CSNK1G2: variants seen among roughly 807,000 people sequenced by gnomAD.
CSNK1G2 encodes the protein casein kinase I isoform gamma-2.
A neutral mutation model predicts 48.0 loss-of-function variants in CSNK1G2; 11 were observed. The ratio of observed to expected loss-of-function variants is 0.23; its 90% CI spans 0.14 to 0.38. The LOEUF is 0.38. Ranked by LOEUF, CSNK1G2 falls within the 10% of genes least tolerant of loss-of-function variation. The pLI is 1.00. For missense variants in CSNK1G2, 446 were observed against 595.5 expected, an observed-to-expected ratio of 0.75 and a Z score of 2.61; for synonymous variants, 337 against 254.1, an observed-to-expected ratio of 1.33 and a Z score of -3.10.
intron 1 of CSNK1G2, among the ~76,000 whole-genome samples, chr19:1,949,802 G>C (rs565799009): frequency 1.3e-5 from 2 of 152,190 alleles, no homozygotes; most frequent in Non-Finnish European, 2.9e-5. Context: ...CCTGTCCTTC[G>C]GCCCGATGCT....
At chr19:1,946,850 A>G (rs1401921682) in intron 1 of CSNK1G2, among the ~76,000 whole-genome samples, 7 of 151,464 alleles carry the variant, frequency 4.6e-5, no homozygotes, top group East Asian at 1.9e-4. Flanking sequence ...TGACCTTGTG[A>G]TCTGCCCGCC....
intron 2 of CSNK1G2, among the ~76,000 whole-genome samples, chr19:1,970,497 G>A (rs1021998850): frequency 2.0e-5 from 3 of 152,226 alleles, no homozygotes; most frequent in African/African-American, 7.2e-5. Flanking sequence ...CTCCCGGGTC[G>A]GGGTCTGATT....
intron 1 of CSNK1G2, among the ~76,000 whole-genome samples, chr19:1,961,478 C>T (rs372746089): frequency 2.6e-4 from 39 of 152,370 alleles, no homozygotes; most frequent in East Asian, 1.9e-3. Flanking sequence ...CATTGCTGTC[C>T]GTTTCTCCAG....
chr19:1,954,922 C>T (rs1175639190), intron 1 of CSNK1G2, among the ~76,000 whole-genome samples: 4 of 152,120 alleles, frequency 2.6e-5, no homozygotes, highest in African/African-American at 7.2e-5. Context: ...TTCGTCCCTC[C>T]CTGGGGTTGT....
At chr19:1,954,942 C>T (rs2014930573) in intron 1 of CSNK1G2, among the ~76,000 whole-genome samples, 1 of 152,156 alleles carries the variant, frequency 6.6e-6, no homozygotes, top group Non-Finnish European at 1.5e-5. Flanking sequence ...TTGCTTTTCG[C>T]TGTGGCCCTC....
At chr19:1,961,977 C>T (rs769424908) in intron 1 of CSNK1G2, among the ~76,000 whole-genome samples, 1 of 152,188 alleles carries the variant, frequency 6.6e-6, no homozygotes, top group Non-Finnish European at 1.5e-5. Flanking sequence ...TGACCCAGTG[C>T]AGTGGAGAAA....
At chr19:1,955,381 A>T (rs889707789) in intron 1 of CSNK1G2, among the ~76,000 whole-genome samples, 1 of 152,078 alleles carries the variant, frequency 6.6e-6, no homozygotes, top group African/African-American at 2.4e-5. Flanking sequence ...GATGTGGGCT[A>T]GCGGCCACCG....
intron 2 of CSNK1G2, chr19:1,975,867 C>T: frequency 2.5e-6 from 2 of 787,766 alleles, no homozygotes; most frequent in Non-Finnish European, 3.1e-6. Context: ...GAAAGCCCAT[C>T]TCTAGTAAAA....
intron 1 of CSNK1G2, among the ~76,000 whole-genome samples, chr19:1,947,245 C>G (rs1348191792): frequency 6.6e-6 from 1 of 152,198 alleles, no homozygotes; most frequent in Non-Finnish European, 1.5e-5. Context: ...GGACAGAGTC[C>G]CTGCCTGTGA....
intron 1 of CSNK1G2, among the ~76,000 whole-genome samples, chr19:1,946,258 A>G (rs560836095): frequency 3.5e-4 from 47 of 136,104 alleles, no homozygotes; most frequent in African/African-American, 1.2e-3. Flanking sequence ...GCCCATCACT[A>G]TTTATTCGTT....
At chr19:1,946,290 T>TTTATTTATTTA (rs57892150) in intron 1 of CSNK1G2, among the ~76,000 whole-genome samples, 13,759 of 68,896 alleles carry the variant, frequency 0.2, 970 homozygotes, top group African/African-American at 0.25. Flanking sequence ...TTATTTATTT[T>TTTATTTATTTA]TTATTTATTT....
intron 1 of CSNK1G2, among the ~76,000 whole-genome samples, chr19:1,962,891 G>A (rs1177423624): frequency 5.3e-5 from 8 of 152,198 alleles, no homozygotes; most frequent in South Asian, 2.1e-4. Context: ...AGACGCCGCC[G>A]TGGACTCCAG....
chr19:1,961,345 C>T lies in CSNK1G2; in HGVS notation c.-265-8163C>T, dbSNP rs868819735. On this transcript the variant is annotated intron_variant, in intron 1 of 11. Transcript: ENST00000255641. ...GTCAGCGCTGCTGCTTGTTCCCCTA[C>T]ACAGAGGCGTTGGGTGGAGCTGCCT... 4.3e-4 allele frequency among the ~76,000 whole-genome samples: 65 copies of T among 152,332 alleles called. 1 individual carries two copies. The highest frequency in any genetic ancestry group is 6.8e-3 in the Middle Eastern group (2 of 294).
At chr19:1,958,515 C>T (rs1268646047) in intron 1 of CSNK1G2, among the ~76,000 whole-genome samples, 2 of 129,842 alleles carry the variant, frequency 1.5e-5, no homozygotes, top group Non-Finnish European at 3.4e-5. Context: ...CTCAGCTCTC[C>T]CAGGCACTGT....
intron 2 of CSNK1G2, among the ~76,000 whole-genome samples, chr19:1,977,218 G>A (rs1438110511): frequency 1.8e-4 from 28 of 152,218 alleles, no homozygotes; most frequent in Admixed American, 1.5e-3. Flanking sequence ...TCCTGGGCTG[G>A]AGACACATGG....
intron 1 of CSNK1G2, chr19:1,953,048 C>G (rs1431943673): frequency 2.5e-6 from 1 of 401,164 alleles, no homozygotes; most frequent in Non-Finnish European, 4.8e-6. Flanking sequence ...GAAACGCAGC[C>G]CACCCAGGTT....
chr19:1,978,592 TC>T lies in CSNK1G2; in HGVS notation c.299-8del. ...CCGCCGCACGCCCGTGCGTCTGTCC[TC>T]CGCCGCAGAGGGCGTCCCTCAGGTC... On this transcript the variant is annotated splice_polypyrimidine_tract_variant and intron_variant, in intron 4 of 11. Transcript: ENST00000255641. The surrounding 1 kb of genome is among the most constrained non-coding windows in gnomAD (Gnocchi z 7.3). 1 of 1,587,130 alleles carries T rather than the reference TC, an allele frequency of 6.3e-7. No homozygotes were observed. The highest frequency in any genetic ancestry group is 8.6e-7 in the Non-Finnish European group (1 of 1,167,368).
At position 1,978,541 on chromosome 19, in the gene CSNK1G2, G is replaced by A; in HGVS notation, c.298+30G>A. The A allele has an allele frequency of 1.9e-6, 3 of 1,567,858 alleles. No individual in the cohort carries two copies. The highest frequency in any genetic ancestry group is 2.6e-6 in the Non-Finnish European group (3 of 1,157,510). On this transcript the variant is annotated intron_variant, in intron 4 of 11. Coordinates refer to ENST00000255641, the MANE Select transcript of CSNK1G2 (RefSeq NM_001319.7). This position sits in a 1 kb window ranked among gnomAD's most constrained non-coding sequence, Gnocchi z 7.3. ...CGGGCGGCCCGCGGGTGGGGCGGGG[G>A]CTGCGCAGGGGCAGGGAGGGGGCTG...
chr19:1,967,081 C>T (rs2015387360), intron 1 of CSNK1G2, among the ~76,000 whole-genome samples: 1 of 152,094 alleles, frequency 6.6e-6, no homozygotes, highest in Non-Finnish European at 1.5e-5. Context: ...CTGCACACTT[C>T]CTAGACCACG....
Sources: allele counts gnomAD v4.1 joint callset (sites outside exome capture counted in the v4.1 genomes callset), GRCh38; gene constraint gnomAD v4.1.1; non-coding constraint Gnocchi (gnomAD v3.1); transcripts MANE v1.5; gene names NCBI Gene and HGNC (gene_info 2026-07-23, HGNC 2026-07-21).